MCCC1: variants seen among roughly 807,000 people sequenced by gnomAD.
MCCC1 encodes the protein methylcrotonyl-CoA carboxylase subunit 1.
Under a neutral mutation model 83.8 loss-of-function variants are expected in MCCC1, and 64 were observed. That is an observed-to-expected ratio of 0.76 (90% CI 0.62 to 0.94). The LOEUF (loss-of-function observed/expected upper bound fraction) is 0.94. MCCC1 is among the 40% of genes least tolerant of loss of function. The probability of loss-of-function intolerance (pLI) is 0.00; values close to 1 mark genes in which losing one functional copy is unlikely to be tolerated. For missense variants in MCCC1, 807 were observed against 904.7 expected (o/e 0.89, Z 1.39); for synonymous variants, 322 against 315.4 (o/e 1.02, Z -0.22).
chr3:183,052,341 A>G, intron 8 of MCCC1, 101 bp from the exon 9 acceptor site: 1 of 957,140 alleles, frequency 1.0e-6, no homozygotes, highest in Non-Finnish European at 1.7e-6. Context: ...GACGTTTCTT[A>G]GTCAACAACA....
intron 1 of MCCC1, among the ~76,000 whole-genome samples, chr3:183,106,663 ATT>A (rs1035695270): frequency 1.3e-5 from 2 of 151,834 alleles, no homozygotes; most frequent in African/African-American, 4.8e-5. Context: ...TACCAGGCTA[ATT>A]TTTGTATTTT....
intron 1 of MCCC1, among the ~76,000 whole-genome samples, chr3:183,111,168 G>A (rs755490804): frequency 7.2e-5 from 11 of 152,168 alleles, no homozygotes; most frequent in Middle Eastern, 3.2e-3. Context: ...TACACAGCAT[G>A]GTAAGTCGAG....
intron 9 of MCCC1, among the ~76,000 whole-genome samples, chr3:183,046,864 C>G (rs1714595281): frequency 6.6e-6 from 1 of 152,194 alleles, no homozygotes; most frequent in Non-Finnish European, 1.5e-5. Flanking sequence ...ACCAGAGAGA[C>G]AGACAACTGA....
At chr3:183,025,156 G>C (rs999747722) in intron 15 of MCCC1, among the ~76,000 whole-genome samples, 14 of 152,198 alleles carry the variant, frequency 9.2e-5, no homozygotes, top group African/African-American at 2.9e-4. Context: ...AAGAAGGAAC[G>C]GAGTGTTAAC....
intron 4 of MCCC1, among the ~76,000 whole-genome samples, chr3:183,078,474 G>A (rs1717246301): frequency 6.6e-6 from 1 of 152,062 alleles, no homozygotes; most frequent in South Asian, 2.1e-4. Context: ...TATAAAGACT[G>A]CATTAAATAT....
chr3:183,018,799 A>G (rs938788784), intron 17 of MCCC1, among the ~76,000 whole-genome samples: 1 of 152,244 alleles, frequency 6.6e-6, no homozygotes, highest in African/African-American at 2.4e-5. Flanking sequence ...AGGGCTAAGT[A>G]TAGTAAGTGT....
chr3:183,094,605 C>A lies in MCCC1; in HGVS notation c.90G>T (p.Arg30Ser). Residue 30 changes from arginine to serine, a missense_variant and splice_region_variant, in exon 2 of 19, where the codon AGG (arginine) becomes AGT (serine). Transcript: ENST00000265594. ...TGGTTCTTTGCCTCCACACCCATGT[C>A]CTATAACATAAATCCAAAAGGAATT... ...HRLPSLLLPPRTWVWRQRTMK... is the reference protein window; with the variant it reads ...HRLPSLLLPPSTWVWRQRTMK... 1 of 1,613,800 alleles carries A rather than the reference C, an allele frequency of 6.2e-7. No individual in the cohort carries two copies. The highest frequency in any genetic ancestry group is 1.1e-5 in the South Asian group (1 of 91,076).
chr3:183,101,064 T>A (rs896881795), upstream of MCCC1, among the ~76,000 whole-genome samples: 1 of 152,234 alleles, frequency 6.6e-6, no homozygotes, highest in African/African-American at 2.4e-5. Flanking sequence ...GAGGGTGTAC[T>A]GAGTCCCCCA....
rs1717923164 is a variant in MCCC1 at position 183,086,763 on chromosome 3, G to C, written c.299C>G (p.Pro100Arg). The change falls in exon 4 of 19, where the codon CCC (proline) becomes CGC (arginine). Residue 100 changes from proline (P) to arginine (R), a missense_variant. Transcript: ENST00000265594. ...DMADEAYSIGPAPSQQSYLSM... is the reference protein window; with the variant it reads ...DMADEAYSIGRAPSQQSYLSM... ...TAGGTAGCTCTGCTGGGAGGGAGCG[G>C]GGCCGATGGAATATGCTTCATCTGC... 1 of 1,614,050 alleles carries C rather than the reference G, an allele frequency of 6.2e-7. No homozygotes were observed. The highest frequency in any genetic ancestry group is 2.2e-5 in the East Asian group (1 of 44,880).
rs1318142804 is a variant in MCCC1, at chr3:183,053,877, A to AT, written c.874-1638dup. Among the ~76,000 whole-genome samples the AT allele has an allele frequency of 8.3e-3, 1,147 of 138,566 alleles. 8 individuals are homozygous for AT. Among genetic ancestry groups the AT allele is most frequent in the African/African-American group, 0.018 (706 of 38,412 alleles). The allele number at this position is 138,566 out of a possible 152,430, so 90.9% of individuals were successfully genotyped here. ...GCTTATAGAATTAAGGCTATAAAGAATTTTTTTTTTTTTTTTTTGAGATGG... is the reference window on the plus strand; with the variant it reads ...GCTTATAGAATTAAGGCTATAAAGAATTTTTTTTTTTTTTTTTTTGAGATGG... On this transcript the variant is annotated intron_variant, in intron 8 of 18. Coordinates refer to ENST00000265594, the MANE Select transcript of MCCC1 (RefSeq NM_020166.5).
chr3:183,113,993 T>A (rs1284356746), intron 1 of MCCC1, among the ~76,000 whole-genome samples: 1 of 152,150 alleles, frequency 6.6e-6, no homozygotes, highest in East Asian at 1.9e-4. Context: ...TGTTTCTCCC[T>A]TAGCTAAGAG....
At chr3:183,067,083 G>C (rs1221196124) in intron 7 of MCCC1, among the ~76,000 whole-genome samples, 1 of 152,190 alleles carries the variant, frequency 6.6e-6, no homozygotes, top group African/African-American at 2.4e-5. Context: ...TTTTACCAAG[G>C]CTTTGACTGG....
At chr3:183,074,303 T>A (rs1296563463) in intron 4 of MCCC1, among the ~76,000 whole-genome samples, 1 of 152,128 alleles carries the variant, frequency 6.6e-6, no homozygotes, top group Non-Finnish European at 1.5e-5. Flanking sequence ...GGAAATTCAG[T>A]AACTGAAGGA....
At chr3:183,065,825 C>G (rs935189357) in intron 7 of MCCC1, among the ~76,000 whole-genome samples, 1 of 152,202 alleles carries the variant, frequency 6.6e-6, no homozygotes, top group African/African-American at 2.4e-5. Context: ...AAAAGCACAA[C>G]AGGTTCTTCT....
intron 3 of MCCC1, among the ~76,000 whole-genome samples, chr3:183,090,181 A>T (rs1718213997): frequency 6.6e-6 from 1 of 152,206 alleles, no homozygotes; most frequent in African/African-American, 2.4e-5. Flanking sequence ...CAAGAAGGCA[A>T]GAGGCTGAGA....
chr3:183,091,947 A>G (rs1327909626), intron 3 of MCCC1, among the ~76,000 whole-genome samples: 3 of 151,080 alleles, frequency 2.0e-5, no homozygotes, highest in African/African-American at 7.3e-5. Context: ...TCGAGGCAGG[A>G]GAATCGAGGC....
At chr3:183,025,045 A>G (rs987011660) in intron 15 of MCCC1, among the ~76,000 whole-genome samples, 1 of 152,174 alleles carries the variant, frequency 6.6e-6, no homozygotes, top group African/African-American at 2.4e-5. Context: ...TAAGCCAATT[A>G]CAGAAGGACA....
intron 14 of MCCC1, among the ~76,000 whole-genome samples, chr3:183,029,509 T>C (rs1393716163): frequency 6.6e-6 from 1 of 152,178 alleles, no homozygotes. Flanking sequence ...ACATGCAACA[T>C]CCATGCCTCG....
chr3:183,070,763 C>T (rs2108525434), intron 7 of MCCC1, among the ~76,000 whole-genome samples: 1 of 151,646 alleles, frequency 6.6e-6, no homozygotes, highest in South Asian at 2.1e-4. Context: ...ATTCACTGTT[C>T]TTAGGTATGT....
Sources: allele counts gnomAD v4.1 joint callset (sites outside exome capture counted in the v4.1 genomes callset), GRCh38; gene constraint gnomAD v4.1.1; transcripts MANE v1.5; gene names NCBI Gene and HGNC (gene_info 2026-07-23, HGNC 2026-07-21).